Variants in WDR70 observed in about 807,000 individuals in gnomAD.
The protein encoded by WDR70 is WD repeat domain 70, also known as WD repeat-containing protein 70.
Under a neutral mutation model 88.6 loss-of-function variants are expected in WDR70, and 53 were observed. That is an observed-to-expected ratio of 0.60 (90% CI 0.48 to 0.75). WDR70 has a LOEUF of 0.75. Among genes scored for constraint, WDR70 ranks in the 30% least tolerant of loss-of-function variants. The pLI is 0.00. For synonymous variants in WDR70, 280 were observed against 270.0 expected, an observed-to-expected ratio of 1.04 and a Z score of -0.36; for missense variants, 610 against 823.2, an observed-to-expected ratio of 0.74 and a Z score of 3.17.
intron 8 of WDR70, among the ~76,000 whole-genome samples, chr5:37,487,621 A>ATTTTTTTT (rs1561871968): frequency 4.5e-4 from 17 of 37,690 alleles, no homozygotes; most frequent in African/African-American, 1.2e-3. Flanking sequence ...ATATATATAT[A>ATTTTTTTT]TATGTATTTT....
chr5:37,629,947 A>G (rs1744767232), intron 10 of WDR70, among the ~76,000 whole-genome samples: 1 of 152,000 alleles, frequency 6.6e-6, no homozygotes, highest in African/African-American at 2.4e-5. Context: ...ATATAAATGG[A>G]TCTTGGGTTG....
chr5:37,520,167 CT>C (rs1741042166), intron 9 of WDR70, among the ~76,000 whole-genome samples: 1 of 151,994 alleles, frequency 6.6e-6, no homozygotes, highest in Admixed American at 6.6e-5. Flanking sequence ...TAAATAAGAA[CT>C]TTTTTATTCT....
intron 7 of WDR70, among the ~76,000 whole-genome samples, chr5:37,449,782 A>T (rs1274454170): frequency 6.6e-6 from 1 of 151,740 alleles, no homozygotes; most frequent in African/African-American, 2.4e-5. Context: ...AAGTTCTGGG[A>T]TACATGTGCA....
At chr5:37,443,532 G>A (rs563966162) in intron 7 of WDR70, among the ~76,000 whole-genome samples, 160 bp downstream of exon 7, 2 of 152,110 alleles carry the variant, frequency 1.3e-5, no homozygotes, top group Non-Finnish European at 2.9e-5. Context: ...GAAGTAAAAC[G>A]AGCCTTACAT....
At chr5:37,692,449 T>C (rs1175810503) in intron 10 of WDR70, among the ~76,000 whole-genome samples, 1 of 152,176 alleles carries the variant, frequency 6.6e-6, no homozygotes, top group Middle Eastern at 3.2e-3. Flanking sequence ...TGATGAACGT[T>C]GATGCAAAAA....
chr5:37,418,628 T>C (rs1259695809), intron 5 of WDR70, among the ~76,000 whole-genome samples: 1 of 152,254 alleles, frequency 6.6e-6, no homozygotes, highest in East Asian at 1.9e-4. Flanking sequence ...TATCATTTCT[T>C]ATAGCCATAT....
chr5:37,398,996 A>G (rs1294103685), intron 5 of WDR70, among the ~76,000 whole-genome samples: 1 of 151,732 alleles, frequency 6.6e-6, no homozygotes, highest in African/African-American at 2.4e-5. Context: ...ATACAAAAAT[A>G]GGCTGGGCGT....
intron 7 of WDR70, among the ~76,000 whole-genome samples, chr5:37,464,622 C>A (rs1411804029): frequency 2.6e-5 from 4 of 152,096 alleles, no homozygotes; most frequent in Admixed American, 2.6e-4. Flanking sequence ...AGATCCAGAC[C>A]CTGTTTGAGG....
chr5:37,506,066 A>G, intron 8 of WDR70: 1 of 1,311,716 alleles, frequency 7.6e-7, no homozygotes. Flanking sequence ...ATCCAGAGAG[A>G]TCACCTCATT....
At chr5:37,394,975 G>A (rs72736795) in intron 4 of WDR70, among the ~76,000 whole-genome samples, 4,491 of 152,186 alleles carry the variant, frequency 0.03, 97 homozygotes, top group Middle Eastern at 0.1. Context: ...ATGTTTTTCC[G>A]TCAGTAGATA....
intron 9 of WDR70, among the ~76,000 whole-genome samples, chr5:37,570,313 G>A (rs76352719): frequency 0.013 from 1,912 of 152,244 alleles, 45 homozygotes; most frequent in African/African-American, 0.044. Flanking sequence ...GGGTATCACA[G>A]CAGGAGGGGG....
chr5:37,746,120 C>T (rs1156592150), intron 17 of WDR70, among the ~76,000 whole-genome samples: 1 of 152,190 alleles, frequency 6.6e-6, no homozygotes, highest in Non-Finnish European at 1.5e-5. Flanking sequence ...AATTAAGAAA[C>T]TCACTCAAAA....
At chr5:37,394,074 AACTG>A (rs1748931240) in intron 4 of WDR70, among the ~76,000 whole-genome samples, 1 of 152,098 alleles carries the variant, frequency 6.6e-6, no homozygotes, top group African/African-American at 2.4e-5. Context: ...TGGGAGGCCG[AACTG>A]GGTGGATCAC....
chr5:37,615,700 G>A (rs1170244915), intron 10 of WDR70, among the ~76,000 whole-genome samples: 3 of 152,132 alleles, frequency 2.0e-5, no homozygotes, highest in Admixed American at 2.0e-4. Flanking sequence ...CAGAACTTAC[G>A]CTCAATATAC....
At chr5:37,549,809 C>T (rs1742091285) in intron 9 of WDR70, among the ~76,000 whole-genome samples, 1 of 151,692 alleles carries the variant, frequency 6.6e-6, no homozygotes, top group African/African-American at 2.4e-5. Context: ...GAGGTATGTT[C>T]CTTCTATCCT....
intron 10 of WDR70, among the ~76,000 whole-genome samples, chr5:37,655,908 A>T (rs1745541432): frequency 6.6e-6 from 1 of 151,772 alleles, no homozygotes; most frequent in Admixed American, 6.6e-5. Flanking sequence ...AGAGGAGTTC[A>T]TTACTACCCA....
At chr5:37,483,576 C>T (rs533968732) in intron 8 of WDR70, among the ~76,000 whole-genome samples, 13 of 152,342 alleles carry the variant, frequency 8.5e-5, no homozygotes, top group South Asian at 2.1e-4. Flanking sequence ...TCCACAAAAC[C>T]GCCATCGTCA....
intron 7 of WDR70, among the ~76,000 whole-genome samples, chr5:37,452,298 T>C (rs1365762615): frequency 4.6e-5 from 7 of 151,238 alleles, no homozygotes; most frequent in African/African-American, 2.4e-5. Context: ...GGAGTCTGTC[T>C]CATGTTGCCC....
chr5:37,477,532 A>T (rs996796196), intron 7 of WDR70, among the ~76,000 whole-genome samples: 3 of 152,232 alleles, frequency 2.0e-5, no homozygotes, highest in Admixed American at 1.3e-4. Context: ...GGTCAAGTTA[A>T]GAGTTGCTGT....
Sources: gnomAD v4.1 joint callset for allele counts (sites outside exome capture counted in the v4.1 genomes callset) on GRCh38, gnomAD v4.1.1 for gene constraint, MANE v1.5 for transcripts, NCBI Gene and HGNC (gene_info 2026-07-23, HGNC 2026-07-21) for gene names.